The following SORL1 variants were observed in gnomAD, a reference collection of about 807,000 sequenced individuals.
The protein encoded by SORL1 is sortilin related receptor 1.
In SORL1, 127 loss-of-function variants were observed where a neutral mutation model predicts 273.7. That is an observed-to-expected ratio of 0.46 (90% CI 0.40 to 0.54). The LOEUF (loss-of-function observed/expected upper bound fraction) is 0.54. Among genes scored for constraint, SORL1 ranks in the 20% least tolerant of loss-of-function variants. The pLI, the probability that SORL1 is intolerant of heterozygous loss-of-function variation, is 0.00. For missense variants in SORL1, 2,494 were observed against 2,846.1 expected (o/e 0.88, Z 2.81); for synonymous variants, 1,031 against 1,067.4 (o/e 0.97, Z 0.66).
chr11:121,617,615 T>G (rs1400478309), intron 41 of SORL1, among the ~76,000 whole-genome samples: 4 of 152,182 alleles, frequency 2.6e-5, no homozygotes, highest in Non-Finnish European at 4.4e-5. Flanking sequence ...CCATGGATCC[T>G]GCAGCTCCTA....
chr11:121,464,783 G>A (rs1465260672), intron 1 of SORL1, among the ~76,000 whole-genome samples: 1 of 152,186 alleles, frequency 6.6e-6, no homozygotes, highest in Non-Finnish European at 1.5e-5. Context: ...GGAGGCCTGT[G>A]CGGATGCTGT....
At position 121,586,221 on chromosome 11, in the gene SORL1, G is replaced by A. The variant is rs1565345289; in HGVS notation, c.3707-1G>A. On this transcript the variant is annotated splice_acceptor_variant, in intron 26 of 47. Transcript: ENST00000260197. LOFTEE classifies it high-confidence loss of function. ...TTCTGTGTTGTTGAATTCTATTTCA[G>A]AGAAGAAGTGCAATGGATTCCGCTG... 1.2e-6 allele frequency: 2 copies of A among 1,607,628 alleles called. No homozygotes were observed. The highest frequency in any genetic ancestry group is 1.7e-6 in the Non-Finnish European group (2 of 1,174,172).
At position 121,631,802 on chromosome 11, in the gene SORL1, A is replaced by C. The variant is rs934298473; in HGVS notation, c.*2239A>C. 6.6e-5 allele frequency: 10 copies of C among 152,254 alleles called. No individual in the cohort carries two copies. The highest frequency in any genetic ancestry group is 2.4e-4 in the African/African-American group (10 of 41,462). The allele number at this position is 152,254 out of a possible 1,614,324, so 9.4% of individuals were successfully genotyped here. ...TGAAAAAAAGCAGCCTTTTAGGGCT[A>C]GAGTATTTTATATAAACAGAAGAGC... On this transcript the variant is annotated 3_prime_UTR_variant, in exon 48 of 48. Coordinates refer to ENST00000260197, the MANE Select transcript of SORL1 (RefSeq NM_003105.6).
intron 10 of SORL1, 84 bp from the exon 11 acceptor site, chr11:121,522,832 A>G (rs1368694330): frequency 2.2e-6 from 3 of 1,383,568 alleles, no homozygotes; most frequent in Non-Finnish European, 3.1e-6. Flanking sequence ...TAGTTGCTAG[A>G]TACTACGCAG....
rs1172849016 is a variant in SORL1 at position 121,627,336 on chromosome 11, C to T, written c.6365-219C>T. Reference sequence around the variant, plus strand: ...GTGATTAGGAGTCTAATGTAATTACCATATTTGCATGCACAAGGCCCTTGG... The same window carrying T: ...GTGATTAGGAGTCTAATGTAATTACTATATTTGCATGCACAAGGCCCTTGG... On this transcript the variant is annotated intron_variant, in intron 46 of 47. Transcript: ENST00000260197. This position sits in a 1 kb window ranked among gnomAD's most constrained non-coding sequence, Gnocchi z 4.9. 3.5e-6 allele frequency: 2 copies of T among 577,082 alleles called. No homozygotes were observed. The highest frequency in any genetic ancestry group is 6.2e-6 in the Non-Finnish European group (2 of 323,340). The allele number at this position is 577,082 out of a possible 1,614,324, so 35.7% of individuals were successfully genotyped here.
Position 121,591,129 on chromosome 11 carries a change from T to C in SORL1, c.4342T>C (p.Ser1448Pro). The change falls in exon 31 of 48, where the codon TCT becomes CCT. Residue 1448 changes from serine (S) to proline (P), a missense_variant. Physicochemically the swap from Ser to Pro is moderately conservative, Grantham distance 74 (BLOSUM62 -1). Transcript: ENST00000260197. ...CGGGTACCGAGATTGTGCAGATGGCTCTGACGAGGAAGCCTGCCCCTTGCT... is the reference window on the plus strand; with the variant it reads ...CGGGTACCGAGATTGTGCAGATGGCCCTGACGAGGAAGCCTGCCCCTTGCT... ...CDGYRDCADG[S>P]DEEACPLLAN... 1 of 1,614,120 alleles carries C rather than the reference T, an allele frequency of 6.2e-7. No homozygotes were observed. Among genetic ancestry groups the C allele is most frequent in the Non-Finnish European group, 8.5e-7 (1 of 1,180,028 alleles).
At position 121,595,672 on chromosome 11, in the gene SORL1, A is replaced by G; in HGVS notation, c.4419A>G (p.Arg1473=). 1.2e-6 allele frequency: 2 copies of G among 1,613,414 alleles called. No individual in the cohort carries two copies. Among genetic ancestry groups the G allele is most frequent in the Non-Finnish European group, 1.7e-6 (2 of 1,179,720 alleles). Residue 1473 remains arginine, a synonymous_variant, in exon 32 of 48, where the codon CGA becomes CGG. Coordinates refer to ENST00000260197, the MANE Select transcript of SORL1 (RefSeq NM_003105.6). The surrounding 1 kb of genome is among the most constrained non-coding windows in gnomAD (Gnocchi z 5.1). ...CCACCCAACTTGGGCGATGTGACCG[A>G]TTTGAGTTCGAATGCCACCAACCGA... ...STPTQLGRCD[R]FEFECHQPKT... is the part of the protein sequence containing the mutation.
chr11:121,481,158 G>C (rs1282642881), intron 3 of SORL1, among the ~76,000 whole-genome samples: 6 of 88,598 alleles, frequency 6.8e-5, no homozygotes, highest in South Asian at 4.0e-4. Context: ...AGCTTCTTCC[G>C]TAGTGCACAG....
At chr11:121,582,947 C>T (rs2134888227) in intron 25 of SORL1, among the ~76,000 whole-genome samples, 2 of 152,304 alleles carry the variant, frequency 1.3e-5, no homozygotes, top group Middle Eastern at 3.4e-3. Context: ...GATCACCACA[C>T]AGTGGCTGCA....
chr11:121,452,766 C>A lies in SORL1; in HGVS notation c.285+150C>A. 1.6e-6 allele frequency: 1 copy of A among 626,914 alleles called. No homozygotes were observed. Among genetic ancestry groups the A allele is most frequent in the Non-Finnish European group, 2.5e-6 (1 of 399,342 alleles). 38.8% of individuals were successfully genotyped at this position (626,914 alleles called of 1,614,324 possible). Reference sequence around the variant, plus strand: ...TTGTTTTTTTCCTTCACGAGTACAACCGTCAGCACTTGAATCGCATTGATC... The same window carrying A: ...TTGTTTTTTTCCTTCACGAGTACAAACGTCAGCACTTGAATCGCATTGATC... On this transcript the variant is annotated intron_variant, in intron 1 of 47. Coordinates refer to ENST00000260197, the MANE Select transcript of SORL1 (RefSeq NM_003105.6). This position sits in a 1 kb window ranked among gnomAD's most constrained non-coding sequence, Gnocchi z 5.3.
intron 8 of SORL1, among the ~76,000 whole-genome samples, chr11:121,516,814 G>T (rs1280582764): frequency 6.6e-6 from 1 of 152,120 alleles, no homozygotes; most frequent in Non-Finnish European, 1.5e-5. Context: ...AGCACTTTGG[G>T]AGGCCAAGAT....
chr11:121,477,649 C>A (rs1222100153), intron 2 of SORL1, among the ~76,000 whole-genome samples: 3 of 152,162 alleles, frequency 2.0e-5, no homozygotes, highest in Non-Finnish European at 4.4e-5. Flanking sequence ...CCCTGCCTCA[C>A]CTTTGTGTGT....
At chr11:121,561,163 C>T (rs748633964) in intron 21 of SORL1, among the ~76,000 whole-genome samples, 1 of 152,190 alleles carries the variant, frequency 6.6e-6, no homozygotes, top group Non-Finnish European at 1.5e-5. Flanking sequence ...TTCATTTTTA[C>T]AAGTGCTTGT....
chr11:121,494,949 A>G (rs1330318823), intron 5 of SORL1, among the ~76,000 whole-genome samples: 2 of 152,170 alleles, frequency 1.3e-5, no homozygotes, highest in Non-Finnish European at 2.9e-5. Context: ...CCGCCCACAC[A>G]TGCACACAGA....
At position 121,478,417 on chromosome 11, in the gene SORL1, G is replaced by A. The variant is rs150164767; in HGVS notation, c.528+174G>A. On this transcript the variant is annotated intron_variant, in intron 3 of 47. Transcript: ENST00000260197. ...TTTGTGACAGACTGCTGTTCTCAGGGTTGGTCTCTGCACAATCAGGCAGGC... is the reference window on the plus strand; with the variant it reads ...TTTGTGACAGACTGCTGTTCTCAGGATTGGTCTCTGCACAATCAGGCAGGC... Among the ~76,000 whole-genome samples the A allele has an allele frequency of 1.1e-3, 166 of 152,308 alleles. 1 individual carries two copies. Among genetic ancestry groups the A allele is most frequent in the Middle Eastern group, 3.4e-3 (1 of 294 alleles).
chr11:121,550,034 C>T lies in SORL1; in HGVS notation c.2126C>T (p.Ser709Leu). The T allele has an allele frequency of 6.2e-7, 1 of 1,613,730 alleles. No individual in the cohort carries two copies. Reference protein sequence around the residue: ...CVPDPEFSGKSYSPPVPCPVG... With the variant: ...CVPDPEFSGKLYSPPVPCPVG... ...CCAGATCCGGAATTTTCTGGAAAGT[C>T]ATACTCCCCTCCTGTGCCTTGCCCT... is the stretch of plus-strand genomic sequence containing the variant. Residue 709 changes from serine (S) to leucine (L), a missense_variant, in exon 15 of 48, where the codon TCA becomes TTA. Transcript: ENST00000260197. The surrounding 1 kb of genome is among the most constrained non-coding windows in gnomAD (Gnocchi z 5.3).
At position 121,511,593 on chromosome 11, in the gene SORL1, T is replaced by A. The variant is rs1206966070; in HGVS notation, c.940-1410T>A. ...ATAGATCCATCATTTCCTACGGCCC[T>A]ATGTTTAGTACAAGCTATTAATATG... On this transcript the variant is annotated intron_variant, in intron 6 of 47. Transcript: ENST00000260197. Among the ~76,000 whole-genome samples the A allele has an allele frequency of 2.0e-5, 3 of 152,230 alleles. No homozygotes were observed. In the East Asian group the frequency reaches 5.8e-4, roughly 29 times the overall value.
At chr11:121,604,148 A>C (rs1863431669) in intron 32 of SORL1, 45 bp from the exon 33 acceptor site, 16 of 1,609,132 alleles carry the variant, frequency 9.9e-6, no homozygotes, top group African/African-American at 2.7e-5. Context: ...CTTTAGTACC[A>C]TACGGCCCCT....
At chr11:121,538,310 C>T (rs1862295915) in intron 12 of SORL1, among the ~76,000 whole-genome samples, 1 of 152,000 alleles carries the variant, frequency 6.6e-6, no homozygotes, top group Non-Finnish European at 1.5e-5. Flanking sequence ...CCAGAAAATA[C>T]TCACGTGCCC....
Sources: allele counts gnomAD v4.1 joint callset (sites outside exome capture counted in the v4.1 genomes callset), GRCh38; gene constraint gnomAD v4.1.1; non-coding constraint Gnocchi (gnomAD v3.1); transcripts MANE v1.5; gene names NCBI Gene and HGNC (gene_info 2026-07-23, HGNC 2026-07-21).